SCAF11: variants seen among roughly 807,000 people sequenced by gnomAD.
SCAF11 encodes protein SCAF11.
A neutral mutation model predicts 140.5 loss-of-function variants in SCAF11; 47 were observed. That is an observed-to-expected ratio of 0.33 (90% confidence interval 0.26 to 0.43). SCAF11 has a LOEUF of 0.43. Ranked by LOEUF, SCAF11 falls within the 20% of genes least tolerant of loss-of-function variation. The probability of loss-of-function intolerance (pLI) is 1.00; values close to 1 mark genes in which losing one functional copy is unlikely to be tolerated. For missense variants in SCAF11, 1,645 were observed against 1,705.1 expected (o/e 0.96, Z 0.62); for synonymous variants, 557 against 579.4 (o/e 0.96, Z 0.55).
chr12:45,934,811 T>C (rs1945133165), intron 6 of SCAF11, among the ~76,000 whole-genome samples: 1 of 152,214 alleles, frequency 6.6e-6, no homozygotes, highest in Non-Finnish European at 1.5e-5. Flanking sequence ...TATGCAAACT[T>C]AAAGTATCTT....
chr12:45,964,399 G>T (rs1431657958), intron 1 of SCAF11, among the ~76,000 whole-genome samples: 5 of 152,188 alleles, frequency 3.3e-5, no homozygotes, highest in Admixed American at 6.5e-5. Context: ...CGTGCACGGT[G>T]GCTCACGCCT....
In SCAF11 at chr12:45,927,023, C is replaced by A. The variant is rs1944887092; in HGVS notation, c.2678G>T (p.Arg893Ile). 3 of 1,613,740 alleles carry A rather than the reference C, an allele frequency of 1.9e-6. No homozygotes were observed. Among genetic ancestry groups the A allele is most frequent in the East Asian group, 4.5e-5 (2 of 44,892 alleles). The stretch of plus-strand genomic sequence containing the variant: ...AGAATCTTTCACTCTTGGCTGAGAT[C>A]TTTTGTTCTCTCTAGAAGTTTCTCT... ...PRRETSRENK[R>I]SQPRVKDSSP... is the part of the protein sequence containing the mutation. The change falls in exon 11 of 15, where the codon AGA becomes ATA. Residue 893 changes from arginine (R) to isoleucine (I), a missense_variant. By Grantham distance (97) the Arg-to-Ile change is moderately conservative (BLOSUM62 -3). Coordinates refer to ENST00000369367, the MANE Select transcript of SCAF11 (RefSeq NM_004719.3).
intron 1 of SCAF11, among the ~76,000 whole-genome samples, chr12:45,970,007 T>C (rs920253628): frequency 1.3e-5 from 2 of 152,202 alleles, no homozygotes; most frequent in Admixed American, 1.3e-4. Context: ...AGCAATTCTC[T>C]GCCTCAGCCT....
intron 6 of SCAF11, among the ~76,000 whole-genome samples, chr12:45,937,495 T>C (rs1159956827): frequency 1.3e-5 from 2 of 152,188 alleles, no homozygotes; most frequent in East Asian, 3.8e-4. Context: ...TGGAGATCCT[T>C]GATTGTTTGC....
chr12:45,980,069 T>G (rs1259574073), intron 1 of SCAF11, among the ~76,000 whole-genome samples: 1 of 152,166 alleles, frequency 6.6e-6, no homozygotes, highest in Non-Finnish European at 1.5e-5. Flanking sequence ...TTAACTTTTA[T>G]AGAACCTGGT....
At chr12:45,980,828 T>G (rs1946333371) in intron 1 of SCAF11, among the ~76,000 whole-genome samples, 1 of 152,280 alleles carries the variant, frequency 6.6e-6, no homozygotes, top group South Asian at 2.1e-4. Context: ...GGATTAAGAC[T>G]GTCCTGCTCC....
At chr12:45,991,969 G>A (rs992801830), upstream of SCAF11, 4 of 1,289,178 alleles carry the variant, frequency 3.1e-6, no homozygotes, top group Non-Finnish European at 4.0e-6. Context: ...GCGCTCTCCA[G>A]CCACCCTGAC....
At chr12:45,938,280 A>C (rs1266747503) in intron 6 of SCAF11, among the ~76,000 whole-genome samples, 1 of 152,158 alleles carries the variant, frequency 6.6e-6, no homozygotes, top group African/African-American at 2.4e-5. Context: ...ACCTGAGGTC[A>C]GGAGTTCGAG....
upstream of SCAF11, among the ~76,000 whole-genome samples, chr12:45,990,939 T>C (rs777101240): frequency 5.9e-5 from 9 of 152,262 alleles, no homozygotes; most frequent in African/African-American, 1.2e-4. Context: ...CTTTGGCCTC[T>C]GCCCTCCTTT....
At chr12:45,950,039 A>G (rs1945513801) in intron 4 of SCAF11, among the ~76,000 whole-genome samples, 1 of 152,182 alleles carries the variant, frequency 6.6e-6, no homozygotes, top group African/African-American at 2.4e-5. Context: ...ATACATACAT[A>G]CATACATACA....
rs1051933549 is a variant in SCAF11 at position 45,932,800 on chromosome 12, A to G, written c.734+331T>C. ...GTAAAAGCGTGATTCAGCGGACAGC[A>G]CGCAGGTAAGACTGGAATGGGAGAA... On this transcript the variant is annotated intron_variant, in intron 9 of 14. Coordinates refer to ENST00000369367, the MANE Select transcript of SCAF11 (RefSeq NM_004719.3). 3.9e-5 allele frequency among the ~76,000 whole-genome samples: 6 copies of G among 152,278 alleles called. No homozygotes were observed. The South Asian group carries it at 1.2e-3, about 32-fold the overall frequency.
chr12:45,973,001 G>GAT (rs371257166), intron 1 of SCAF11, among the ~76,000 whole-genome samples: 13 of 87,376 alleles, frequency 1.5e-4, no homozygotes, highest in East Asian at 9.9e-4. Context: ...TAGATATATA[G>GAT]ATATATATAT....
chr12:45,929,506 T>C (rs1235586925), intron 10 of SCAF11: 1 of 152,132 alleles, frequency 6.6e-6, no homozygotes, highest in Non-Finnish European at 1.5e-5. Flanking sequence ...GGTCAAGTTA[T>C]CCATGAATTA....
chr12:45,972,874 A>C lies in SCAF11; in HGVS notation c.-21-8686T>G, dbSNP rs1480063714. Among the ~76,000 whole-genome samples the C allele has an allele frequency of 1.4e-4, 5 of 35,076 alleles. No individual in the cohort carries two copies. In the Admixed American group the frequency reaches 2.1e-3, roughly 15 times the overall value. The allele number at this position is 35,076 out of a possible 152,430, so 23.0% of individuals were successfully genotyped here. A position where few individuals can be genotyped will look rare whatever the true frequency, so the allele number is the denominator to read the frequency against. On this transcript the variant is annotated intron_variant, in intron 1 of 14. Transcript: ENST00000369367. ...TATATATATATATATCGATATATATATATATAGATATATATATAGATATAT... is the reference window on the plus strand; with the variant it reads ...TATATATATATATATCGATATATATCTATATAGATATATATATAGATATAT...
chr12:45,954,124 G>A lies in SCAF11; in HGVS notation c.220-2397C>T, dbSNP rs1374254157. Among the ~76,000 whole-genome samples the A allele has an allele frequency of 2.0e-5, 3 of 152,248 alleles. No homozygotes were observed. The East Asian group carries it at 5.8e-4, about 29-fold the overall frequency. On this transcript the variant is annotated intron_variant, in intron 3 of 14. Coordinates refer to ENST00000369367, the MANE Select transcript of SCAF11 (RefSeq NM_004719.3). ...CGTGTTCAAGAAATTTGTATCAGATGCATCAAATCTTTCAAAGACTCTCAA... is the reference window on the plus strand; with the variant it reads ...CGTGTTCAAGAAATTTGTATCAGATACATCAAATCTTTCAAAGACTCTCAA...
rs375919395 is a variant in SCAF11 at position 45,928,760 on chromosome 12, G to A, written c.941C>T (p.Pro314Leu). 6.2e-7 allele frequency: 1 copy of A among 1,613,378 alleles called. No homozygotes were observed. Among genetic ancestry groups the A allele is most frequent in the African/African-American group, 1.3e-5 (1 of 74,776 alleles). The change falls in exon 11 of 15, where the codon CCT (proline) becomes CTT (leucine). Residue 314 changes from proline to leucine, a missense_variant. Physicochemically the swap from Pro to Leu is moderately conservative, Grantham distance 98 (BLOSUM62 -3). Coordinates refer to ENST00000369367, the MANE Select transcript of SCAF11 (RefSeq NM_004719.3). ...TSNTRGSRRK[P>L]AMTTPTRRST... ...CCTCCTTGTAGGAGTTGTCATTGCA[G>A]GTTTTCGTCTTGATCCTCTGGTATT...
chr12:45,953,988 G>T, intron 3 of SCAF11: 1 of 258,416 alleles, frequency 3.9e-6, no homozygotes, highest in Non-Finnish European at 6.2e-6. Flanking sequence ...AGAGACATGA[G>T]TTCTTAACAA....
chr12:45,981,523 A>G (rs10880880), intron 1 of SCAF11, among the ~76,000 whole-genome samples: 58,452 of 152,088 alleles, frequency 0.38, 13,297 homozygotes, highest in East Asian at 0.55. Context: ...CCATTTTCTG[A>G]GGAATAAATA....
rs898367810 is a variant in SCAF11 at position 45,921,120 on chromosome 12, T to A, written c.*928A>T. 6.6e-6 allele frequency: 1 copy of A among 152,190 alleles called. No individual in the cohort carries two copies. The highest frequency in any genetic ancestry group is 1.5e-5 in the Non-Finnish European group (1 of 68,138). 9.4% of individuals were successfully genotyped at this position (152,190 alleles called of 1,614,324 possible). A position where few individuals can be genotyped will look rare whatever the true frequency, so the allele number is the denominator to read the frequency against. The stretch of plus-strand genomic sequence containing the variant: ...GCCTCAGCCTCTCGCATAGCTGGGA[T>A]TACAGGCGCCCACCACCACGCCTGG... On this transcript the variant is annotated 3_prime_UTR_variant, in exon 15 of 15. Transcript: ENST00000369367.
Sources: gnomAD v4.1 joint callset for allele counts (sites outside exome capture counted in the v4.1 genomes callset) on GRCh38, gnomAD v4.1.1 for gene constraint, MANE v1.5 for transcripts, NCBI Gene and HGNC (gene_info 2026-07-23, HGNC 2026-07-21) for gene names.